The following SREK1 variants were observed in gnomAD, a reference collection of about 807,000 sequenced individuals.
SREK1 encodes splicing regulatory glutamic acid and lysine rich protein 1.
SREK1 carries 13 observed loss-of-function variants against 66.5 expected under a neutral mutation model. The ratio of observed to expected loss-of-function variants is 0.20; its 90% CI spans 0.13 to 0.31. The LOEUF (loss-of-function observed/expected upper bound fraction) is 0.31, where lower values mean the gene tolerates loss of function less well. Ranked by LOEUF, SREK1 falls within the 10% of genes least tolerant of loss-of-function variation. SREK1 has a pLI of 1.00. For missense variants in SREK1, 607 were observed against 769.6 expected (o/e 0.79, Z 2.50); for synonymous variants, 265 against 263.5 (o/e 1.01, Z -0.05).
intron 2 of SREK1, among the ~76,000 whole-genome samples, chr5:66,155,250 C>G (rs1229234405): frequency 6.6e-6 from 1 of 152,064 alleles, no homozygotes; most frequent in Non-Finnish European, 1.5e-5. Context: ...AATATTACAA[C>G]TTGGACAGTT....
At position 66,180,292 on chromosome 5, in the gene SREK1, G is replaced by A. The variant is rs574937385; in HGVS notation, c.*1424G>A. 2 of 152,542 alleles carry A rather than the reference G, an allele frequency of 1.3e-5. No individual in the cohort carries two copies. The highest frequency in any genetic ancestry group is 4.8e-5 in the African/African-American group (2 of 41,502). The allele number at this position is 152,542 out of a possible 1,614,324, so 9.4% of individuals were successfully genotyped here. On this transcript the variant is annotated 3_prime_UTR_variant, in exon 12 of 12. Transcript: ENST00000334121. ...ACTTGTGGTTTCTGAACTCATTATT[G>A]TTGTATTTCCAAAAAAGTAATACCT...
chr5:66,158,724 A>G, intron 2 of SREK1: 1 of 1,131,076 alleles, frequency 8.8e-7, no homozygotes, highest in South Asian at 1.4e-5. Context: ...CTTTTTTTTG[A>G]CTAATTTGGT....
At chr5:66,167,987 C>G (rs752960070) in intron 7 of SREK1, 1 of 152,160 alleles carries the variant, frequency 6.6e-6, no homozygotes, top group East Asian at 1.9e-4. Context: ...TTTCATGGCT[C>G]TTAAGTACTA....
At chr5:66,167,135 A>G (rs1353913176) in intron 7 of SREK1, 2 of 152,100 alleles carry the variant, frequency 1.3e-5, no homozygotes, top group Non-Finnish European at 2.9e-5. Flanking sequence ...ATGCTTCTAG[A>G]GCCATGCTTC....
chr5:66,146,555 A>G (rs145506301), intron 1 of SREK1, among the ~76,000 whole-genome samples: 328 of 152,232 alleles, frequency 2.2e-3, no homozygotes, highest in Non-Finnish European at 3.7e-3. Context: ...CGTGTAATAT[A>G]TATAGGCCAG....
intron 5 of SREK1, 79 bp downstream of exon 5, chr5:66,162,671 T>C (rs1744862914): frequency 7.2e-7 from 1 of 1,393,594 alleles, no homozygotes; most frequent in Non-Finnish European, 9.6e-7. Flanking sequence ...GCTTTTTTTT[T>C]CTTTTTAATA....
At chr5:66,177,358 G>C (rs1190049006) in intron 10 of SREK1, 156 bp from the exon 11 acceptor site, 1 of 614,742 alleles carries the variant, frequency 1.6e-6, no homozygotes. Flanking sequence ...TCAGGTTGTA[G>C]GGCTCATTTA....
At chr5:66,171,041 G>T (rs1195655813) in intron 9 of SREK1, 94 bp downstream of exon 9, 7 of 1,417,618 alleles carry the variant, frequency 4.9e-6, no homozygotes, top group Non-Finnish European at 6.6e-6. Context: ...CTGTACGCAA[G>T]TGGAACCTGT....
intron 3 of SREK1, among the ~76,000 whole-genome samples, chr5:66,161,255 T>A (rs1171252885): frequency 1.3e-5 from 2 of 152,238 alleles, no homozygotes; most frequent in Non-Finnish European, 2.9e-5. Flanking sequence ...TTCTCATTCT[T>A]TGTGAATTCT....
intron 7 of SREK1, chr5:66,165,852 A>G (rs1297562303): frequency 6.6e-6 from 1 of 152,180 alleles, no homozygotes; most frequent in East Asian, 1.9e-4. Context: ...ACATTGTTTT[A>G]CCAGCAGGCT....
rs749344367 is a variant in SREK1 at position 66,164,913 on chromosome 5, G to A, written c.1001+16G>A. The A allele has an allele frequency of 4.6e-5, 73 of 1,586,378 alleles. No individual in the cohort carries two copies. In the East Asian group the frequency reaches 1.5e-3, roughly 34 times the overall value. On this transcript the variant is annotated intron_variant, in intron 7 of 11. Transcript: ENST00000334121. Reference sequence around the variant, plus strand: ...CAAAACACAGGTGAGAATTTCTGCTGTCATATTTAAATTTTATTTTAGTTT... The same window carrying A: ...CAAAACACAGGTGAGAATTTCTGCTATCATATTTAAATTTTATTTTAGTTT...
chr5:66,159,430 CT>C (rs34136434), intron 3 of SREK1, 96 bp downstream of exon 3: 122,711 of 596,378 alleles, frequency 0.21, no homozygotes, highest in East Asian at 0.25. Context: ...GGATCTTCTT[CT>C]TTTTTTTTTT....
rs1445946223 is a variant in SREK1, at chr5:66,179,718, C to G, written c.*850C>G. The G allele has an allele frequency of 6.6e-6, 1 of 152,460 alleles. No homozygotes were observed. The highest frequency in any genetic ancestry group is 2.4e-5 in the African/African-American group (1 of 41,418). The allele number at this position is 152,460 out of a possible 1,614,324, so 9.4% of individuals were successfully genotyped here. A position where few individuals can be genotyped will look rare whatever the true frequency, so the allele number is the denominator to read the frequency against. On this transcript the variant is annotated 3_prime_UTR_variant, in exon 12 of 12. Transcript: ENST00000334121. ...GTGCCCTTATAAAAAAGGAAACTGGCTTTTCAAAATGGGCTATGGGAGCAC... is the reference window on the plus strand; with the variant it reads ...GTGCCCTTATAAAAAAGGAAACTGGGTTTTCAAAATGGGCTATGGGAGCAC...
intron 11 of SREK1, among the ~76,000 whole-genome samples, chr5:66,177,950 C>T (rs1399859744): frequency 6.6e-6 from 1 of 151,980 alleles, no homozygotes; most frequent in African/African-American, 2.4e-5. Context: ...AGGATTTCTG[C>T]CTGATGCCAT....
chr5:66,146,571 A>G (rs1218368541), intron 1 of SREK1, among the ~76,000 whole-genome samples: 2 of 152,024 alleles, frequency 1.3e-5, no homozygotes, highest in Admixed American at 1.3e-4. Flanking sequence ...GCCAGGCAAA[A>G]TCCTTAACTA....
intron 10 of SREK1, among the ~76,000 whole-genome samples, chr5:66,175,248 C>T (rs765941863): frequency 6.6e-6 from 1 of 152,092 alleles, no homozygotes; most frequent in Non-Finnish European, 1.5e-5. Flanking sequence ...GTAATGACTT[C>T]GTGAGGTTTT....
rs1218554497 is a variant in SREK1 at position 66,170,873 on chromosome 5, A to G, written c.1410A>G (p.Lys470=). The G allele has an allele frequency of 3.7e-6, 6 of 1,613,788 alleles. No individual in the cohort carries two copies. Among genetic ancestry groups the G allele is most frequent in the Non-Finnish European group, 5.1e-6 (6 of 1,179,950 alleles). The change falls in exon 9 of 12, where the codon AAA becomes AAG. Residue 470 remains lysine, a synonymous_variant. Coordinates refer to ENST00000334121, the MANE Select transcript of SREK1 (RefSeq NM_001077199.3). ...EKDRSKEIDE[K]RKKDKKSRTP... ...ACAGATCCAAAGAGATAGATGAAAA[A>G]AGAAAGAAGGATAAAAAATCCAGAA...
chr5:66,158,265 T>A (rs1036898154), intron 2 of SREK1: 4 of 152,118 alleles, frequency 2.6e-5, no homozygotes, highest in Non-Finnish European at 5.9e-5. Flanking sequence ...GTAGGGAGTT[T>A]TTTTCCTACT....
intron 3 of SREK1, among the ~76,000 whole-genome samples, chr5:66,161,092 A>G (rs575725811): frequency 2.1e-4 from 32 of 152,284 alleles, no homozygotes; most frequent in African/African-American, 7.5e-4. Flanking sequence ...TTTCTTAGGT[A>G]AACTTTCAGC....
Sources: gnomAD v4.1 joint callset for allele counts (sites outside exome capture counted in the v4.1 genomes callset) on GRCh38, gnomAD v4.1.1 for gene constraint, MANE v1.5 for transcripts, NCBI Gene and HGNC (gene_info 2026-07-23, HGNC 2026-07-21) for gene names.